PLOD1: variants seen among roughly 807,000 people sequenced by gnomAD.
The protein encoded by PLOD1 is procollagen-lysine,2-oxoglutarate 5-dioxygenase 1, also known as lysine hydroxylase.
PLOD1 carries 70 observed loss-of-function variants against 94.7 expected under a neutral mutation model. The ratio of observed to expected loss-of-function variants is 0.74; its 90% CI spans 0.61 to 0.90. The LOEUF (loss-of-function observed/expected upper bound fraction) is 0.90, where lower values mean the gene tolerates loss of function less well. PLOD1 is among the 40% of genes least tolerant of loss of function. The pLI is 0.00. For synonymous variants in PLOD1, 417 were observed against 400.2 expected, an observed-to-expected ratio of 1.04 and a Z score of -0.50; for missense variants, 905 against 972.7, an observed-to-expected ratio of 0.93 and a Z score of 0.93.
chr1:11,960,096 C>T (rs1645767489), intron 9 of PLOD1, among the ~76,000 whole-genome samples: 3 of 152,050 alleles, frequency 2.0e-5, no homozygotes, highest in Non-Finnish European at 2.9e-5. Flanking sequence ...AGCCTCCTCC[C>T]GAGTACCTGG....
chr1:11,971,737 CA>C, intron 17 of PLOD1: 1 of 152,278 alleles, frequency 6.6e-6, no homozygotes, highest in Non-Finnish European at 1.5e-5. Context: ...ACCAGCCCAC[CA>C]AAAAAGCACC....
chr1:11,956,025 G>A (rs1645735341), intron 6 of PLOD1, among the ~76,000 whole-genome samples: 1 of 151,612 alleles, frequency 6.6e-6, no homozygotes, highest in Admixed American at 6.6e-5. Flanking sequence ...GCCTCCCAAA[G>A]TGCTGGGATT....
chr1:11,935,232 T>G (rs1470956365), intron 1 of PLOD1, among the ~76,000 whole-genome samples: 1 of 152,212 alleles, frequency 6.6e-6, no homozygotes, highest in Non-Finnish European at 1.5e-5. Flanking sequence ...CTGGGCAAAC[T>G]GAGGCTCCAG....
At chr1:11,938,926 G>T (rs1352488679) in intron 1 of PLOD1, among the ~76,000 whole-genome samples, 2 of 152,116 alleles carry the variant, frequency 1.3e-5, no homozygotes, top group Non-Finnish European at 2.9e-5. Flanking sequence ...ACACAAGAAG[G>T]CTTCAACAAA....
intron 1 of PLOD1, among the ~76,000 whole-genome samples, chr1:11,937,435 G>A (rs1174201280): frequency 6.6e-6 from 1 of 152,202 alleles, no homozygotes; most frequent in Non-Finnish European, 1.5e-5. Flanking sequence ...AGCTCAGAAA[G>A]TCCAGTGATG....
At position 11,937,115 on chromosome 1, in the gene PLOD1, C is replaced by T. The variant is rs185122513; in HGVS notation, c.76+2260C>T. 3.5e-3 allele frequency among the ~76,000 whole-genome samples: 533 copies of T among 152,096 alleles called. 2 individuals carry two copies. The highest frequency in any genetic ancestry group is 0.012 in the African/African-American group (490 of 41,504). ...CGCCTACCTCGGCCTCCCAAAGTAC[C>T]GGGATTACAGGCGTGAGCCACCGCG... is the stretch of plus-strand genomic sequence containing the variant. On this transcript the variant is annotated intron_variant, in intron 1 of 18. Transcript: ENST00000196061.
rs369599447 is a variant in PLOD1 at position 11,960,780 on chromosome 1, C to T, written c.1097+13C>T. On this transcript the variant is annotated intron_variant, in intron 10 of 18. Transcript: ENST00000196061. ...GGAACATGGGCGCGTGAGTTGTGGG[C>T]CACAGTACTCTCCACTGACAGTGGG... 1.9e-5 allele frequency: 30 copies of T among 1,612,242 alleles called. No homozygotes were observed. In the African/African-American group the frequency reaches 3.3e-4, roughly 18 times the overall value.
At chr1:11,946,872 GT>G (rs1645658684) in intron 1 of PLOD1, among the ~76,000 whole-genome samples, 1 of 152,178 alleles carries the variant, frequency 6.6e-6, no homozygotes, top group Admixed American at 6.6e-5. Flanking sequence ...ACCAGCATCT[GT>G]TCTGCTTCCA....
At chr1:11,938,515 G>A (rs914367719) in intron 1 of PLOD1, among the ~76,000 whole-genome samples, 2 of 152,204 alleles carry the variant, frequency 1.3e-5, no homozygotes, top group African/African-American at 4.8e-5. Flanking sequence ...GGAGGACAGA[G>A]TGGGTTGCTC....
In PLOD1 at chr1:11,972,067, C is replaced by A. The variant is rs1645868931; in HGVS notation, c.1903-805C>A. On this transcript the variant is annotated intron_variant, in intron 17 of 18. Transcript: ENST00000196061. The surrounding 1 kb of genome is among the most constrained non-coding windows in gnomAD (Gnocchi z 4.6). ...CCTTGGTCTCTGGTTTCTCCAGATACCTGCCCATGGCGTGCCTGGGTCCTG... is the reference window on the plus strand; with the variant it reads ...CCTTGGTCTCTGGTTTCTCCAGATAACTGCCCATGGCGTGCCTGGGTCCTG... 6.6e-6 allele frequency: 1 copy of A among 152,304 alleles called. No individual in the cohort carries two copies. Among genetic ancestry groups the A allele is most frequent in the Non-Finnish European group, 1.5e-5 (1 of 68,114 alleles). 9.4% of individuals were successfully genotyped at this position (152,304 alleles called of 1,614,324 possible).
At chr1:11,974,238 A>T (rs2100768231) in intron 18 of PLOD1, among the ~76,000 whole-genome samples, 1 of 150,994 alleles carries the variant, frequency 6.6e-6, no homozygotes, top group East Asian at 1.9e-4. Flanking sequence ...TCTGTTGCCC[A>T]GGCTGGAGTA....
chr1:11,936,263 A>G (rs1645577554), intron 1 of PLOD1, among the ~76,000 whole-genome samples: 1 of 151,944 alleles, frequency 6.6e-6, no homozygotes, highest in South Asian at 2.1e-4. Context: ...CTCAAGGCAG[A>G]TTGGATTGCA....
intron 16 of PLOD1, among the ~76,000 whole-genome samples, chr1:11,967,585 G>A (rs1296409260): frequency 1.5e-5 from 1 of 68,552 alleles, no homozygotes; most frequent in African/African-American, 6.3e-5. Context: ...TTCTTTTCAT[G>A]TGTGTGTGTG....
chr1:11,954,965 C>A, intron 6 of PLOD1, 72 bp downstream of exon 6: 1 of 1,219,164 alleles, frequency 8.2e-7, no homozygotes, highest in Non-Finnish European at 1.2e-6. Context: ...GGGCCCGAGC[C>A]CAGGGAGGAG....
Position 11,958,808 on chromosome 1 carries a change from G to A in PLOD1, c.975+161G>A, listed in dbSNP as rs1215614426. ...TCCCCAAATCACTGAGTTAACTTTG[G>A]AGTCAGACTGGGTGAGTTTGAATCC... On this transcript the variant is annotated intron_variant, in intron 9 of 18. Transcript: ENST00000196061. This position sits in a 1 kb window ranked among gnomAD's most constrained non-coding sequence, Gnocchi z 4.3. 6.6e-6 allele frequency among the ~76,000 whole-genome samples: 1 copy of A among 152,144 alleles called. No individual in the cohort carries two copies. The highest frequency in any genetic ancestry group is 1.5e-5 in the Non-Finnish European group (1 of 68,026).
intron 1 of PLOD1, among the ~76,000 whole-genome samples, chr1:11,937,009 A>G (rs573052398): frequency 1.3e-5 from 2 of 151,674 alleles, no homozygotes; most frequent in Middle Eastern, 3.4e-3. Flanking sequence ...CACAACGCTC[A>G]GCTAATGTTT....
intron 5 of PLOD1, chr1:11,954,310 CAAAAAAAAAAAAA>C (rs754503001): frequency 1.3e-5 from 2 of 159,824 alleles, no homozygotes; most frequent in South Asian, 8.1e-5. Context: ...CCATCTCTAG[CAAAAAAAAAAAAA>C]AAAAAAAAAA....
intron 1 of PLOD1, among the ~76,000 whole-genome samples, chr1:11,947,268 C>CAAAA: frequency 6.9e-6 from 1 of 144,958 alleles, no homozygotes; most frequent in African/African-American, 2.6e-5. Flanking sequence ...AACAAACAAA[C>CAAAA]AAAAAAAACA....
chr1:11,969,364 G>A (rs1645845164), intron 16 of PLOD1, among the ~76,000 whole-genome samples: 3 of 152,154 alleles, frequency 2.0e-5, no homozygotes, highest in African/African-American at 7.2e-5. Context: ...ATGAGACCCT[G>A]GACCTGTGTG....
Sources: allele counts gnomAD v4.1 joint callset (sites outside exome capture counted in the v4.1 genomes callset), GRCh38; gene constraint gnomAD v4.1.1; non-coding constraint Gnocchi (gnomAD v3.1); transcripts MANE v1.5; gene names NCBI Gene and HGNC (gene_info 2026-07-23, HGNC 2026-07-21).